Variants in TIMM23 observed in about 807,000 individuals in gnomAD.
TIMM23 encodes mitochondrial import inner membrane translocase subunit Tim23.
In TIMM23, 19 loss-of-function variants were observed where a neutral mutation model predicts 30.7. The ratio of observed to expected loss-of-function variants is 0.62; its 90% CI spans 0.43 to 0.91. The LOEUF is 0.91. Among genes scored for constraint, TIMM23 ranks in the 40% least tolerant of loss-of-function variants. The probability of loss-of-function intolerance (pLI) is 0.00; values close to 1 mark genes in which losing one functional copy is unlikely to be tolerated. For missense variants in TIMM23, 202 were observed against 269.2 expected, an observed-to-expected ratio of 0.75 and a Z score of 1.75; for synonymous variants, 78 against 98.5, an observed-to-expected ratio of 0.79 and a Z score of 1.23.
chr10:45,991,227 G>A (rs1475159359), intron 6 of TIMM23, among the ~76,000 whole-genome samples: 1 of 152,184 alleles, frequency 6.6e-6, no homozygotes, highest in Non-Finnish European at 1.5e-5. Flanking sequence ...GAAAAGTCTG[G>A]GAAGATAGTT....
chr10:45,989,473 T>C (rs1393969450), intron 6 of TIMM23, among the ~76,000 whole-genome samples: 2 of 152,248 alleles, frequency 1.3e-5, no homozygotes, highest in African/African-American at 4.8e-5. Flanking sequence ...GGTCCTTCTT[T>C]CTTTTTTTGG....
At chr10:45,998,925 C>G (rs908354451) in intron 6 of TIMM23, among the ~76,000 whole-genome samples, 5 of 149,468 alleles carry the variant, frequency 3.3e-5, no homozygotes, top group South Asian at 2.1e-4. Flanking sequence ...CTCCACCCAC[C>G]AGGTTCAAGC....
chr10:46,003,320 GAT>G lies in TIMM23; in HGVS notation c.*3_*4del. The G allele has an allele frequency of 6.2e-7, 1 of 1,611,260 alleles. No individual in the cohort carries two copies. Among genetic ancestry groups the G allele is most frequent in the Non-Finnish European group, 8.5e-7 (1 of 1,177,592 alleles). On this transcript the variant is annotated 3_prime_UTR_variant, in exon 7 of 7. Coordinates refer to ENST00000580018, the MANE Select transcript of TIMM23 (RefSeq NM_006327.4). ...TCCTTGCTCCAACAGTCACTCTGAA[GAT>G]TTTGCCAACTCATGAATGGAGGACA...
chr10:45,973,184 A>AAT (rs1397854800), intron 1 of TIMM23, among the ~76,000 whole-genome samples: 134,432 of 152,114 alleles, frequency 0.88, 59,488 homozygotes, highest in East Asian at 0.96. Flanking sequence ...GTGAGAAATA[A>AAT]ATGACTTGGG....
At position 45,996,318 on chromosome 10, in the gene TIMM23, C is replaced by T. The variant is rs1291493772; in HGVS notation, c.515-6885C>T. ...CAAGGCTTGCAGTGAGCCGAGATTA[C>T]ACCACTGCACTCCAGCCTGGGCCAC... On this transcript the variant is annotated intron_variant, in intron 6 of 6. Transcript: ENST00000580018. Among the ~76,000 whole-genome samples the T allele has an allele frequency of 4.8e-5, 7 of 145,812 alleles. 1 individual carries two copies. Among genetic ancestry groups the T allele is most frequent in the Non-Finnish European group, 8.9e-5 (6 of 67,358 alleles).
intron 4 of TIMM23, 106 bp from the exon 5 acceptor site, chr10:45,985,277 C>T: frequency 7.9e-7 from 1 of 1,267,204 alleles, no homozygotes; most frequent in Non-Finnish European, 1.1e-6. Context: ...ATTTAAAAAA[C>T]TTTGCGCCCT....
At chr10:45,980,977 T>C (rs1837826494) in intron 2 of TIMM23, among the ~76,000 whole-genome samples, 1 of 145,850 alleles carries the variant, frequency 6.9e-6, no homozygotes. Flanking sequence ...TCTCGCTCTG[T>C]CACCCAGGCT....
chr10:45,987,376 C>G (rs1838020748), intron 5 of TIMM23, among the ~76,000 whole-genome samples: 2 of 152,180 alleles, frequency 1.3e-5, no homozygotes, highest in South Asian at 4.1e-4. Context: ...CCACCTGTTT[C>G]ACTTCTGCCT....
chr10:45,989,107 A>G (rs1203475691), intron 6 of TIMM23, among the ~76,000 whole-genome samples: 5 of 152,334 alleles, frequency 3.3e-5, no homozygotes, highest in Admixed American at 6.5e-5. Context: ...TCATCTTGCA[A>G]AACTGATACT....
At chr10:45,985,259 A>T (rs1383834398) in intron 4 of TIMM23, 124 bp from the exon 5 acceptor site, 2 of 817,162 alleles carry the variant, frequency 2.4e-6, no homozygotes, top group Non-Finnish European at 4.0e-6. Context: ...ATTAAGATGT[A>T]TTTTAGAATT....
At chr10:45,990,068 T>G (rs868970786) in intron 6 of TIMM23, among the ~76,000 whole-genome samples, 2,403 of 152,194 alleles carry the variant, frequency 0.016, 26 homozygotes, top group Middle Eastern at 0.024. Context: ...TGTGCAACAG[T>G]GTTCTATACG....
chr10:45,978,912 A>G (rs1357366453), intron 2 of TIMM23, among the ~76,000 whole-genome samples: 4 of 152,250 alleles, frequency 2.6e-5, no homozygotes, highest in Non-Finnish European at 4.4e-5. Flanking sequence ...ATGAATGGAT[A>G]AAAAAGTGTG....
intron 2 of TIMM23, among the ~76,000 whole-genome samples, chr10:45,977,708 A>C (rs1837715630): frequency 6.6e-6 from 1 of 152,240 alleles, no homozygotes; most frequent in Admixed American, 6.5e-5. Context: ...TTTAATCAGA[A>C]TTTAAAAATT....
intron 2 of TIMM23, among the ~76,000 whole-genome samples, chr10:45,977,436 C>T (rs1211269020): frequency 6.6e-6 from 1 of 152,190 alleles, no homozygotes; most frequent in Non-Finnish European, 1.5e-5. Context: ...ACTTGCTTTT[C>T]AGCAAGGATG....
intron 6 of TIMM23, among the ~76,000 whole-genome samples, chr10:45,993,416 C>T (rs1219790429): frequency 6.6e-6 from 1 of 151,806 alleles, no homozygotes; most frequent in Non-Finnish European, 1.5e-5. Flanking sequence ...CGATGCCTGG[C>T]TAATTTTGTG....
intron 6 of TIMM23, chr10:45,992,643 C>T (rs587651402): frequency 1.3e-3 from 521 of 410,534 alleles, no homozygotes; most frequent in Non-Finnish European, 2.0e-3. Flanking sequence ...TTACAACCTC[C>T]ACCTCCCGGG....
chr10:45,984,202 A>AT (rs1260690131), intron 4 of TIMM23, among the ~76,000 whole-genome samples: 11 of 152,356 alleles, frequency 7.2e-5, no homozygotes, highest in Middle Eastern at 6.8e-3. Context: ...GACAAAATAC[A>AT]TAGCATAGTG....
At chr10:46,000,437 C>T (rs904354764) in intron 6 of TIMM23, among the ~76,000 whole-genome samples, 9 of 152,220 alleles carry the variant, frequency 5.9e-5, no homozygotes, top group Non-Finnish European at 1.2e-4. Context: ...CCACGCTGGT[C>T]TTGAACTCCT....
chr10:45,983,476 G>A (rs1414090255), intron 4 of TIMM23, among the ~76,000 whole-genome samples: 1 of 152,182 alleles, frequency 6.6e-6, no homozygotes, highest in Non-Finnish European at 1.5e-5. Context: ...TTACAGAGAA[G>A]GGAAAGTACA....
Sources: gnomAD v4.1 joint callset for allele counts (sites outside exome capture counted in the v4.1 genomes callset) on GRCh38, gnomAD v4.1.1 for gene constraint, MANE v1.5 for transcripts, NCBI Gene and HGNC (gene_info 2026-07-23, HGNC 2026-07-21) for gene names.